Variants in PXDNL observed in about 807,000 individuals in gnomAD.
The protein encoded by PXDNL is probable oxidoreductase PXDNL.
PXDNL carries 145 observed loss-of-function variants against 150.8 expected under a neutral mutation model. That is an observed-to-expected ratio of 0.96 (90% CI 0.84 to 1.10). The LOEUF is 1.10. Ranked by LOEUF, PXDNL falls within the 50% of genes least tolerant of loss-of-function variation. PXDNL has a pLI of 0.00. For missense variants in PXDNL, 2,087 were observed against 1,873.9 expected, an observed-to-expected ratio of 1.11 and a Z score of -2.10; for synonymous variants, 757 against 725.7, an observed-to-expected ratio of 1.04 and a Z score of -0.69.
intron 2 of PXDNL, among the ~76,000 whole-genome samples, chr8:51,601,567 G>T (rs1363325293): frequency 6.6e-6 from 1 of 151,774 alleles, no homozygotes; most frequent in East Asian, 1.9e-4. Context: ...CATTTGCATG[G>T]CAGATTTTTC....
At chr8:51,608,386 CAAAAAA>C (rs760838357) in intron 2 of PXDNL, among the ~76,000 whole-genome samples, 1 of 75,414 alleles carries the variant, frequency 1.3e-5, no homozygotes, top group Non-Finnish European at 2.8e-5. Flanking sequence ...GAGACTCCGT[CAAAAAA>C]AAAAAAAAAA....
At chr8:51,782,085 G>A (rs899827303) in intron 1 of PXDNL, among the ~76,000 whole-genome samples, 10 of 151,272 alleles carry the variant, frequency 6.6e-5, no homozygotes, top group Non-Finnish European at 1.2e-4. Flanking sequence ...GGTGTCTAGG[G>A]GCTCAGATGA....
At chr8:51,577,402 ATATG>A (rs1039005748) in intron 3 of PXDNL, among the ~76,000 whole-genome samples, 59 of 151,440 alleles carry the variant, frequency 3.9e-4, no homozygotes, top group African/African-American at 1.3e-3. Flanking sequence ...ATGCATTTAT[ATATG>A]TATGTATTTG....
intron 1 of PXDNL, among the ~76,000 whole-genome samples, chr8:51,740,220 T>C (rs1022179404): frequency 6.6e-6 from 1 of 152,242 alleles, no homozygotes; most frequent in Non-Finnish European, 1.5e-5. Context: ...CTTTACTGTG[T>C]TAATGTGATT....
At chr8:51,696,076 C>T (rs896115195) in intron 1 of PXDNL, among the ~76,000 whole-genome samples, 1 of 152,172 alleles carries the variant, frequency 6.6e-6, no homozygotes, top group Non-Finnish European at 1.5e-5. Flanking sequence ...TCACCCTGAT[C>T]TACTTTAGTT....
At position 51,319,994 on chromosome 8, in the gene PXDNL, ATC is replaced by A; in HGVS notation, c.4287_4288del (p.Glu1429AspfsTer11). On this transcript the variant is annotated frameshift_variant, in exon 23 of 23. Transcript: ENST00000356297. LOFTEE classifies it low-confidence loss of function (END_TRUNC). Reference sequence around the variant, plus strand: ...ACTGGGACAGGGAGCCGGGGGACAAATCTCCACCACACAGGTGACCTGGCCAC... The same window carrying A: ...ACTGGGACAGGGAGCCGGGGGACAAATCCACCACACAGGTGACCTGGCCAC... 6.4e-7 allele frequency: 1 copy of A among 1,569,076 alleles called. No homozygotes were observed. Among genetic ancestry groups the A allele is most frequent in the Non-Finnish European group, 8.6e-7 (1 of 1,158,198 alleles).
At chr8:51,732,108 G>A (rs111953099) in intron 1 of PXDNL, among the ~76,000 whole-genome samples, 21,712 of 152,162 alleles carry the variant, frequency 0.14, 1,964 homozygotes, top group Non-Finnish European at 0.2. Flanking sequence ...AAACTTTTAT[G>A]TTGTACTTCC....
Position 51,409,044 on chromosome 8 carries a change from C to G in PXDNL, c.2580G>C (p.Met860Ile), listed in dbSNP as rs1808536055. ...ADPRGTHAPC[M>I]LFARSSPACA... ...ACGCGGGGCTGGAGCGCGCGAAGAG[C>G]ATGCAGGGCGCGTGGGTGCCCCGGG... is the stretch of plus-strand genomic sequence containing the variant. Residue 860 changes from methionine (M) to isoleucine (I), a missense_variant, in exon 17 of 23, where the codon ATG becomes ATC. Coordinates refer to ENST00000356297, the MANE Select transcript of PXDNL (RefSeq NM_144651.5). The G allele has an allele frequency of 1.2e-6, 2 of 1,610,116 alleles. No individual in the cohort carries two copies. Among genetic ancestry groups the G allele is most frequent in the Admixed American group, 1.7e-5 (1 of 59,938 alleles).
At chr8:51,451,898 A>G (rs1809816344) in intron 10 of PXDNL, among the ~76,000 whole-genome samples, 1 of 152,200 alleles carries the variant, frequency 6.6e-6, no homozygotes, top group Non-Finnish European at 1.5e-5. Flanking sequence ...CTGGGCACAC[A>G]GATCCAAAAG....
chr8:51,347,014 T>C (rs1182863566), intron 19 of PXDNL, among the ~76,000 whole-genome samples: 1 of 152,164 alleles, frequency 6.6e-6, no homozygotes, highest in Admixed American at 6.5e-5. Context: ...GGAATCAACA[T>C]TCTCAGATAG....
chr8:51,639,692 G>A (rs1184979905), intron 2 of PXDNL, among the ~76,000 whole-genome samples: 2 of 152,162 alleles, frequency 1.3e-5, no homozygotes, highest in Non-Finnish European at 2.9e-5. Context: ...AACAGGAGCT[G>A]AAATTGTGGC....
chr8:51,463,727 C>T (rs950312480), intron 8 of PXDNL, among the ~76,000 whole-genome samples: 3 of 151,982 alleles, frequency 2.0e-5, no homozygotes, highest in Admixed American at 2.0e-4. Flanking sequence ...TCAATAAATG[C>T]AAAAACATCA....
At chr8:51,751,183 AT>A (rs2037042485) in intron 1 of PXDNL, among the ~76,000 whole-genome samples, 1 of 152,208 alleles carries the variant, frequency 6.6e-6, no homozygotes, top group Non-Finnish European at 1.5e-5. Flanking sequence ...GGGTAACAAA[AT>A]GCTCAGTCAT....
Position 51,408,855 on chromosome 8 carries a change from G to A in PXDNL, c.2769C>T (p.Gly923=), listed in dbSNP as rs1365961527. ...GCTTTCCGGAGGGAGGCCAAGGAAA[G>A]CCTGTCTTCAGGAGACCCCGAGGCA... The part of the protein sequence containing the change: ...PSVPRGLLKT[G]FPWPPSGKPL... Residue 923 remains glycine, a synonymous_variant, in exon 17 of 23, where the codon GGC becomes GGT. Transcript: ENST00000356297. The A allele has an allele frequency of 6.3e-7, 1 of 1,582,316 alleles. No homozygotes were observed. The highest frequency in any genetic ancestry group is 8.6e-7 in the Non-Finnish European group (1 of 1,165,142).
At chr8:51,478,877 C>T (rs16916388) in intron 6 of PXDNL, among the ~76,000 whole-genome samples, 2,060 of 152,278 alleles carry the variant, frequency 0.014, 46 homozygotes, top group African/African-American at 0.046. Flanking sequence ...CCCATCGGGA[C>T]TTCATGGACC....
intron 18 of PXDNL, 59 bp from the exon 19 acceptor site, chr8:51,372,140 C>A: frequency 7.9e-7 from 1 of 1,260,672 alleles, no homozygotes; most frequent in Non-Finnish European, 1.1e-6. Context: ...AACTCAGCTG[C>A]ATGTCAAACA....
chr8:51,646,796 G>C (rs779092519), intron 2 of PXDNL, among the ~76,000 whole-genome samples: 101 of 152,268 alleles, frequency 6.6e-4, no homozygotes, highest in South Asian at 1.5e-3. Context: ...AAGTACAAAA[G>C]AAAATGACAA....
intron 19 of PXDNL, among the ~76,000 whole-genome samples, chr8:51,368,991 GT>G (rs1180044793): frequency 6.6e-6 from 1 of 151,784 alleles, no homozygotes; most frequent in Non-Finnish European, 1.5e-5. Flanking sequence ...GCACAACTCT[GT>G]TTCAAAAAAA....
intron 4 of PXDNL, among the ~76,000 whole-genome samples, chr8:51,551,149 C>A (rs1812472783): frequency 1.3e-5 from 2 of 151,966 alleles, no homozygotes; most frequent in Non-Finnish European, 2.9e-5. Flanking sequence ...AAAACAGAAA[C>A]TAAAAAATGC....
Sources: gnomAD v4.1 joint callset for allele counts (sites outside exome capture counted in the v4.1 genomes callset) on GRCh38, gnomAD v4.1.1 for gene constraint, MANE v1.5 for transcripts, NCBI Gene and HGNC (gene_info 2026-07-23, HGNC 2026-07-21) for gene names.